ONECUT2: variants seen among roughly 807,000 people sequenced by gnomAD.
ONECUT2 encodes one cut domain family member 2.
Under a neutral mutation model 27.9 loss-of-function variants are expected in ONECUT2, and 10 were observed. That is an observed-to-expected ratio of 0.36 (90% CI 0.22 to 0.61). The LOEUF (loss-of-function observed/expected upper bound fraction) is 0.61. Ranked by LOEUF, ONECUT2 falls within the 20% of genes least tolerant of loss-of-function variation. ONECUT2 has a pLI of 0.73. For synonymous variants in ONECUT2, 334 were observed against 315.1 expected (o/e 1.06, Z -0.64); for missense variants, 686 against 721.0 (o/e 0.95, Z 0.56).
At chr18:57,446,021 A>G (rs1236899098) in intron 1 of ONECUT2, among the ~76,000 whole-genome samples, 2 of 152,230 alleles carry the variant, frequency 1.3e-5, no homozygotes, top group Non-Finnish European at 2.9e-5. Context: ...AGCTCCCTGC[A>G]AAGTGCCATT....
At chr18:57,455,333 A>G (rs563379903) in intron 1 of ONECUT2, among the ~76,000 whole-genome samples, 6 of 152,312 alleles carry the variant, frequency 3.9e-5, no homozygotes, top group Non-Finnish European at 8.8e-5. Flanking sequence ...ACTTTATTTG[A>G]TAATATTTTG....
rs1175212816 is a variant in ONECUT2 at position 57,435,462 on chromosome 18, G to A, written c.-255G>A. 1.3e-5 allele frequency among the ~76,000 whole-genome samples: 2 copies of A among 151,006 alleles called. No homozygotes were observed. The highest frequency in any genetic ancestry group is 1.3e-4 in the Admixed American group (2 of 15,224). ...ACATGGCGAGGCTGCGAGCCGGCCC[G>A]AGCGGCGGGGCCCGGTGATCCCTCC... On this transcript the variant is annotated 5_prime_UTR_variant, in exon 1 of 2. Coordinates refer to ENST00000491143, the MANE Select transcript of ONECUT2 (RefSeq NM_004852.3).
intron 1 of ONECUT2, among the ~76,000 whole-genome samples, chr18:57,453,505 C>T (rs912485497): frequency 1.4e-4 from 1 of 7,242 alleles, no homozygotes; most frequent in African/African-American, 3.5e-4. Flanking sequence ...ATTTGTTCTG[C>T]ATTCACATGA....
At position 57,457,431 on chromosome 18, in the gene ONECUT2, G is replaced by A. The variant is rs115214513; in HGVS notation, c.1229-19006G>A. On this transcript the variant is annotated intron_variant, in intron 1 of 1. Transcript: ENST00000491143. ...TATCCTGCCCTTACCCCAGGTTCTA[G>A]AAGATGTTAAAGTGATGTTCAAATT... Among the ~76,000 whole-genome samples the A allele has an allele frequency of 1.2e-3, 185 of 152,262 alleles. 3 individuals carry two copies. Among genetic ancestry groups the A allele is most frequent in the African/African-American group, 4.3e-3 (179 of 41,536 alleles).
At position 57,442,252 on chromosome 18, in the gene ONECUT2, T is replaced by G. The variant is rs979600735; in HGVS notation, c.1228+5308T>G. On this transcript the variant is annotated intron_variant, in intron 1 of 1. Coordinates refer to ENST00000491143, the MANE Select transcript of ONECUT2 (RefSeq NM_004852.3). ...AGAACTAATTCTTCTGGGTTTTTTT[T>G]TTTTTTTTTTGAAATTATGAATCCC... 9.4e-4 allele frequency among the ~76,000 whole-genome samples: 142 copies of G among 151,758 alleles called. 2 individuals are homozygous for G. The highest frequency in any genetic ancestry group is 1.5e-3 in the Non-Finnish European group (102 of 67,852).
rs2050141612 is a variant in ONECUT2, at chr18:57,436,329, C to T, written c.613C>T (p.Pro205Ser). The T allele has an allele frequency of 6.2e-7, 1 of 1,604,922 alleles. No homozygotes were observed. Among genetic ancestry groups the T allele is most frequent in the Non-Finnish European group, 8.5e-7 (1 of 1,179,810 alleles). Residue 205 changes from proline to serine, a missense_variant, in exon 1 of 2, where the codon CCG (proline) becomes TCG (serine). Transcript: ENST00000491143. This position sits in a 1 kb window ranked among gnomAD's most constrained non-coding sequence, Gnocchi z 5.9. ...FTLMRDERGLPAMNNLYSPYK... is the reference protein window; with the variant it reads ...FTLMRDERGLSAMNNLYSPYK... ...CCTCATGCGCGACGAGCGCGGGCTC[C>T]CGGCCATGAACAACCTCTACAGTCC...
chr18:57,435,845 C>CGGCGGCGGG lies in ONECUT2; in HGVS notation c.147_155dup (p.Gly52_Gly54dup), dbSNP rs1022492716. On this transcript the variant is annotated inframe_insertion, in exon 1 of 2. Transcript: ENST00000491143. ...CGGCCGGCGGCGGCAGTGGCGGGGG[C>CGGCGGCGGG]GGCGGCGGGGGCGGCGGGGGCGGCG... The CGGCGGCGGG allele has an allele frequency of 7.6e-5, 74 of 974,430 alleles. No homozygotes were observed. The highest frequency in any genetic ancestry group is 4.9e-4 in the South Asian group (12 of 24,414). The allele number at this position is 974,430 out of a possible 1,614,324, so 60.4% of individuals were successfully genotyped here. A position where few individuals can be genotyped will look rare whatever the true frequency, so the allele number is the denominator to read the frequency against.
rs2050407099 is a variant in ONECUT2 at position 57,479,901 on chromosome 18, C to T, written c.*3178C>T. The T allele has an allele frequency of 6.6e-6, 1 of 152,248 alleles. No individual in the cohort carries two copies. The highest frequency in any genetic ancestry group is 1.5e-5 in the Non-Finnish European group (1 of 68,062). The allele number at this position is 152,248 out of a possible 1,614,324, so 9.4% of individuals were successfully genotyped here. A position where few individuals can be genotyped will look rare whatever the true frequency, so the allele number is the denominator to read the frequency against. On this transcript the variant is annotated 3_prime_UTR_variant, in exon 2 of 2. Transcript: ENST00000491143. The stretch of plus-strand genomic sequence containing the variant: ...ACTTCTCACAGGGGAAGCCCAACTC[C>T]TGTTGCAATGGGTTGATAGATTTCC...
chr18:57,470,958 G>A (rs186711637), intron 1 of ONECUT2, among the ~76,000 whole-genome samples: 3 of 152,312 alleles, frequency 2.0e-5, no homozygotes, highest in African/African-American at 7.2e-5. Context: ...GAAGGAAAAC[G>A]CACGATGCGT....
rs959684196 is a variant in ONECUT2 at position 57,437,004 on chromosome 18, T to C, written c.1228+60T>C. On this transcript the variant is annotated intron_variant, in intron 1 of 1. Coordinates refer to ENST00000491143, the MANE Select transcript of ONECUT2 (RefSeq NM_004852.3). ...GGAAGAGGGCTCCGGGTCCGGTGCT[T>C]GTGGCCCAAGTCTGCGCGCCGAGTC... The C allele has an allele frequency of 2.6e-5, 39 of 1,512,850 alleles. No homozygotes were observed. The African/African-American group carries it at 4.7e-4, about 18-fold the overall frequency. The allele number at this position is 1,512,850 out of a possible 1,614,324, so 93.7% of individuals were successfully genotyped here. A position where few individuals can be genotyped will look rare whatever the true frequency, so the allele number is the denominator to read the frequency against.
chr18:57,468,640 G>C (rs935822180), intron 1 of ONECUT2, among the ~76,000 whole-genome samples: 4 of 152,180 alleles, frequency 2.6e-5, no homozygotes, highest in African/African-American at 9.6e-5. Flanking sequence ...TGAATGGCCA[G>C]TGGAGCTGCT....
chr18:57,435,615 C>T lies in ONECUT2; in HGVS notation c.-102C>T. The T allele has an allele frequency of 2.1e-6, 2 of 967,950 alleles. No homozygotes were observed. The highest frequency in any genetic ancestry group is 2.5e-6 in the Non-Finnish European group (2 of 813,272). 60.0% of individuals were successfully genotyped at this position (967,950 alleles called of 1,614,324 possible). A position where few individuals can be genotyped will look rare whatever the true frequency, so the allele number is the denominator to read the frequency against. ...ACGCGCACTCCTCTCCACTCACTCC[C>T]GCGCCCGCCCCCACTCCCGCAGCCG... On this transcript the variant is annotated 5_prime_UTR_variant, in exon 1 of 2. Coordinates refer to ENST00000491143, the MANE Select transcript of ONECUT2 (RefSeq NM_004852.3).
Position 57,480,542 on chromosome 18 carries a change from C to G in ONECUT2, c.*3819C>G, listed in dbSNP as rs1038037955. On this transcript the variant is annotated 3_prime_UTR_variant, in exon 2 of 2. Transcript: ENST00000491143. ...ACATTACAACATTGGTCAAACCAGT[C>G]CTCTGATAATCAGAAGAACATGTCA... 3.3e-5 allele frequency: 5 copies of G among 150,814 alleles called. No homozygotes were observed. The highest frequency in any genetic ancestry group is 2.0e-4 in the Admixed American group (3 of 15,066). 9.3% of individuals were successfully genotyped at this position (150,814 alleles called of 1,614,324 possible).
At chr18:57,445,560 A>G (rs115805355) in intron 1 of ONECUT2, among the ~76,000 whole-genome samples, 3,619 of 152,110 alleles carry the variant, frequency 0.024, 145 homozygotes, top group African/African-American at 0.084. Flanking sequence ...GTTTTTGTAC[A>G]TTCATGTTTG....
chr18:57,465,974 G>T (rs530646094), intron 1 of ONECUT2, among the ~76,000 whole-genome samples: 1 of 152,134 alleles, frequency 6.6e-6, no homozygotes, highest in African/African-American at 2.4e-5. Context: ...GACAACCCCC[G>T]GTATACTGCA....
chr18:57,455,895 G>A (rs1430939229), intron 1 of ONECUT2, among the ~76,000 whole-genome samples: 1 of 152,162 alleles, frequency 6.6e-6, no homozygotes, highest in Admixed American at 6.5e-5. Context: ...AATCTGCCCT[G>A]AGAACTTGCA....
rs1356486751 is a variant in ONECUT2, at chr18:57,480,659, T to G, written c.*3936T>G. 3 of 152,102 alleles carry G rather than the reference T, an allele frequency of 2.0e-5. No homozygotes were observed. The highest frequency in any genetic ancestry group is 4.4e-5 in the Non-Finnish European group (3 of 68,022). The allele number at this position is 152,102 out of a possible 1,614,324, so 9.4% of individuals were successfully genotyped here. On this transcript the variant is annotated 3_prime_UTR_variant, in exon 2 of 2. Coordinates refer to ENST00000491143, the MANE Select transcript of ONECUT2 (RefSeq NM_004852.3). Reference sequence around the variant, plus strand: ...CAGATAATGTCATACCAGAGAAAAGTGCTTGCTTTTAGAAAATTATTTACA... The same window carrying G: ...CAGATAATGTCATACCAGAGAAAAGGGCTTGCTTTTAGAAAATTATTTACA...
Position 57,490,998 on chromosome 18 carries a change from G to C in ONECUT2, c.*14275G>C, listed in dbSNP as rs907607317. ...CATCTCAAACATGTTAAGTCAGACT[G>C]TGCTGAAAGACTTTCCAGGGACGGT... On this transcript the variant is annotated 3_prime_UTR_variant, in exon 2 of 2. Transcript: ENST00000491143. 1 of 152,664 alleles carries C rather than the reference G, an allele frequency of 6.6e-6. No individual in the cohort carries two copies. The highest frequency in any genetic ancestry group is 2.4e-5 in the African/African-American group (1 of 41,444). The allele number at this position is 152,664 out of a possible 1,614,324, so 9.5% of individuals were successfully genotyped here.
intron 1 of ONECUT2, among the ~76,000 whole-genome samples, chr18:57,442,103 G>A (rs547121482): frequency 8.1e-6 from 1 of 122,990 alleles, no homozygotes; most frequent in Admixed American, 8.5e-5. Flanking sequence ...GCTTGTGGGG[G>A]ACACCACCAC....
Sources: allele counts gnomAD v4.1 joint callset (sites outside exome capture counted in the v4.1 genomes callset), GRCh38; gene constraint gnomAD v4.1.1; non-coding constraint Gnocchi (gnomAD v3.1); transcripts MANE v1.5; gene names NCBI Gene and HGNC (gene_info 2026-07-23, HGNC 2026-07-21).